SCARF2: variants seen among roughly 807,000 people sequenced by gnomAD.
SCARF2 encodes the protein scavenger receptor class F member 2.
A neutral mutation model predicts 73.4 loss-of-function variants in SCARF2; 39 were observed. That is an observed-to-expected ratio of 0.53 (90% confidence interval 0.41 to 0.69). The LOEUF (loss-of-function observed/expected upper bound fraction) is 0.69, where lower values mean the gene tolerates loss of function less well. SCARF2 is among the 30% of genes least tolerant of loss of function. The pLI is 0.00. For synonymous variants in SCARF2, 605 were observed against 590.0 expected, an observed-to-expected ratio of 1.03 and a Z score of -0.37; for missense variants, 1,148 against 1,303.5, an observed-to-expected ratio of 0.88 and a Z score of 1.84.
chr22:20,433,131 T>A (rs529949774), intron 1 of SCARF2, among the ~76,000 whole-genome samples: 1 of 152,292 alleles, frequency 6.6e-6, no homozygotes, highest in African/African-American at 2.4e-5. Context: ...GGATGGGGTG[T>A]GTGAGCACAA....
At position 20,431,380 on chromosome 22, in the gene SCARF2, G is replaced by C. The variant is rs765314420; in HGVS notation, c.492C>G (p.His164Gln). 3 of 1,522,104 alleles carry C rather than the reference G, an allele frequency of 2.0e-6. No homozygotes were observed. Among genetic ancestry groups the C allele is most frequent in the Non-Finnish European group, 2.6e-6 (3 of 1,141,412 alleles). 94.3% of individuals were successfully genotyped at this position (1,522,104 alleles called of 1,614,324 possible). The stretch of plus-strand genomic sequence containing the variant: ...CACAGCGGCACGCGCCGCTCCGCGG[G>C]TGGCACGTGCCGTGCTGGCACTGGC... ...HACQCQHGTC[H>Q]PRSGACRCEP... is the part of the protein sequence containing the mutation. The change falls in exon 4 of 11, where the codon CAC becomes CAG. Residue 164 changes from histidine (H) to glutamine (Q), a missense_variant. Physicochemically the swap from His to Gln is conservative, Grantham distance 24. Transcript: ENST00000622235.
chr22:20,427,584 C>T (rs753246990), intron 9 of SCARF2, 34 bp from the exon 10 acceptor site: 4 of 1,609,420 alleles, frequency 2.5e-6, no homozygotes, highest in East Asian at 2.2e-5. Flanking sequence ...GCCAGGGGTC[C>T]ACTCTGCCCC....
chr22:20,427,628 ATGT>A (rs2052595605), intron 9 of SCARF2, 78 bp from the exon 10 acceptor site: 2 of 1,552,332 alleles, frequency 1.3e-6, no homozygotes, highest in African/African-American at 2.7e-5. Flanking sequence ...GCTGTGACAA[ATGT>A]TGATGGGGTG....
chr22:20,436,705 A>G (rs571397180), intron 1 of SCARF2, among the ~76,000 whole-genome samples: 7 of 152,142 alleles, frequency 4.6e-5, no homozygotes, highest in Non-Finnish European at 5.9e-5. Flanking sequence ...ATCCGCGCCA[A>G]GGCGCCCCCA....
At position 20,437,644 on chromosome 22, in the gene SCARF2, C is replaced by A; in HGVS notation, c.111G>T (p.Leu37=). The change falls in exon 1 of 11, where the codon CTG becomes CTT. Residue 37 remains leucine (L), a synonymous_variant. Coordinates refer to ENST00000622235, the MANE Select transcript of SCARF2 (RefSeq NM_182895.5). The part of the protein sequence containing the change: ...SLLLLLLLWM[L]PDTVAPQELN... ...GTTCCTGAGGCGCCACGGTGTCCGG[C>A]AGCATCCAGAGCAGCAGCAGCAGCA... 2 of 1,556,930 alleles carry A rather than the reference C, an allele frequency of 1.3e-6. No homozygotes were observed.
At position 20,430,432 on chromosome 22, in the gene SCARF2, G is replaced by T; in HGVS notation, c.1199C>A (p.Pro400His). Residue 400 changes from proline to histidine, a missense_variant, in exon 6 of 11, where the codon CCC (proline) becomes CAC (histidine). Physicochemically the swap from Pro to His is moderately conservative, Grantham distance 77. Coordinates refer to ENST00000622235, the MANE Select transcript of SCARF2 (RefSeq NM_182895.5). ...RCLCSPGVHG[P>H]HCNVTCPPGL... ...CTCCCGGTCCCGGGGCACTCACTGG[G>T]GCCCGTGGACGCCAGGGCTGCACAG... 6.3e-7 allele frequency: 1 copy of T among 1,589,280 alleles called. No individual in the cohort carries two copies. Among genetic ancestry groups the T allele is most frequent in the Non-Finnish European group, 8.6e-7 (1 of 1,168,364 alleles).
In SCARF2 at chr22:20,425,381, G is replaced by C; in HGVS notation, c.2595C>G (p.Thr865=). The part of the protein sequence containing the change: ...AGELGRAGAP[T]L ...GCGGACGAGCCACAGCCTGCTACAG[G>C]GTGGGTGCGCCCGCCCTGCCCAGCT... The change falls in exon 11 of 11, where the codon ACC becomes ACG. Residue 865 remains threonine, a synonymous_variant. Transcript: ENST00000622235. The surrounding 1 kb of genome is among the most constrained non-coding windows in gnomAD (Gnocchi z 4.6). 2.1e-6 allele frequency: 3 copies of C among 1,425,398 alleles called. No individual in the cohort carries two copies. The highest frequency in any genetic ancestry group is 2.8e-6 in the Non-Finnish European group (3 of 1,085,984). 88.3% of individuals were successfully genotyped at this position (1,425,398 alleles called of 1,614,324 possible). A position where few individuals can be genotyped will look rare whatever the true frequency, so the allele number is the denominator to read the frequency against.
chr22:20,426,297 G>C lies in SCARF2; in HGVS notation c.1694-15C>G. ...CGCTGGTGCCTCTGGCAAGGGAAGA[G>C]CAGGGCGGTCACAGCCTTCAGGAAT... On this transcript the variant is annotated splice_polypyrimidine_tract_variant and intron_variant, in intron 10 of 10. Coordinates refer to ENST00000622235, the MANE Select transcript of SCARF2 (RefSeq NM_182895.5). The C allele has an allele frequency of 6.5e-7, 1 of 1,532,858 alleles. No homozygotes were observed. Among genetic ancestry groups the C allele is most frequent in the African/African-American group, 1.4e-5 (1 of 73,048 alleles). 95.0% of individuals were successfully genotyped at this position (1,532,858 alleles called of 1,614,324 possible).
rs1231457943 is a variant in SCARF2 at position 20,426,066 on chromosome 22, C to T, written c.1910G>A (p.Arg637Gln). ...ARREARPARA[R>Q]GEIGGLSLSP... is the part of the protein sequence containing the mutation. ...CAGCGACAGGCCCCCAATCTCGCCCCGGGCCCGGGCCGGCCGGGCCTCGCG... is the reference window on the plus strand; with the variant it reads ...CAGCGACAGGCCCCCAATCTCGCCCTGGGCCCGGGCCGGCCGGGCCTCGCG... The change falls in exon 11 of 11, where the codon CGG (arginine) becomes CAG (glutamine). Residue 637 changes from arginine to glutamine, a missense_variant. Physicochemically the swap from Arg to Gln is conservative, Grantham distance 43. This residue lies in a region of SCARF2 where 437 missense variants were observed against 433.6 expected (regional missense o/e 1.01). Coordinates refer to ENST00000622235, the MANE Select transcript of SCARF2 (RefSeq NM_182895.5). The T allele has an allele frequency of 2.6e-6, 4 of 1,552,842 alleles. No homozygotes were observed. Among genetic ancestry groups the T allele is most frequent in the South Asian group, 1.2e-5 (1 of 85,566 alleles).
Position 20,425,430 on chromosome 22 carries a change from T to C in SCARF2, c.2546A>G (p.Lys849Arg), listed in dbSNP as rs1448828018. The C allele has an allele frequency of 5.6e-6, 8 of 1,430,074 alleles. No homozygotes were observed. The highest frequency in any genetic ancestry group is 2.9e-5 in the South Asian group (2 of 69,154). 88.6% of individuals were successfully genotyped at this position (1,430,074 alleles called of 1,614,324 possible). A position where few individuals can be genotyped will look rare whatever the true frequency, so the allele number is the denominator to read the frequency against. ...KKTPIQKPPR[K>R]KSREAAGELG... The stretch of plus-strand genomic sequence containing the variant: ...CTCGCCCGCCGCCTCCCGGCTCTTC[T>C]TGCGCGGCGGCTTCTGGATGGGGGT... The change falls in exon 11 of 11, where the codon AAG becomes AGG. Residue 849 changes from lysine (K) to arginine (R), a missense_variant. Transcript: ENST00000622235. This position sits in a 1 kb window ranked among gnomAD's most constrained non-coding sequence, Gnocchi z 4.6.
Position 20,431,770 on chromosome 22 carries a change from G to A in SCARF2, c.309C>T (p.Gly103=). ...TGGTGTCGCAGTTGGCACCGAAGTA[G>A]CCGTGGCGGCAGCGGCACTCGCCAG... is the stretch of plus-strand genomic sequence containing the variant. The part of the protein sequence containing the change: ...VRPGECRCRH[G]YFGANCDTKC... Residue 103 remains glycine, a synonymous_variant, in exon 3 of 11, where the codon GGC becomes GGT. Coordinates refer to ENST00000622235, the MANE Select transcript of SCARF2 (RefSeq NM_182895.5). 1 of 1,588,194 alleles carries A rather than the reference G, an allele frequency of 6.3e-7. No individual in the cohort carries two copies. Among genetic ancestry groups the A allele is most frequent in the Non-Finnish European group, 8.6e-7 (1 of 1,168,576 alleles).
Position 20,429,570 on chromosome 22 carries a change from A to G in SCARF2, c.1390T>C (p.Cys464Arg). 1 of 1,613,250 alleles carries G rather than the reference A, an allele frequency of 6.2e-7. No individual in the cohort carries two copies. The highest frequency in any genetic ancestry group is 8.5e-7 in the Non-Finnish European group (1 of 1,179,850). ...GGGTCCTTGCCGCGGCAAGCGCAGC[A>G]GCAGCCGAGCAGCGAGAGCAGCAGG... is the stretch of plus-strand genomic sequence containing the variant. ...VCLLLSLLGCCCACRGKDPTR... is the reference protein window; with the variant it reads ...VCLLLSLLGCRCACRGKDPTR... Residue 464 changes from cysteine to arginine, a missense_variant, in exon 8 of 11, where the codon TGC becomes CGC. Transcript: ENST00000622235. This position sits in a 1 kb window ranked among gnomAD's most constrained non-coding sequence, Gnocchi z 5.2.
intron 1 of SCARF2, among the ~76,000 whole-genome samples, chr22:20,435,471 T>TCCC (rs2052690368): frequency 6.6e-6 from 1 of 151,838 alleles, no homozygotes; most frequent in South Asian, 2.1e-4. Context: ...CCCCAGGGGG[T>TCCC]CCCATGGCCC....
At position 20,425,772 on chromosome 22, in the gene SCARF2, G is replaced by T; in HGVS notation, c.2204C>A (p.Ala735Glu). The T allele has an allele frequency of 7.5e-7, 1 of 1,332,308 alleles. No homozygotes were observed. The allele number at this position is 1,332,308 out of a possible 1,614,324, so 82.5% of individuals were successfully genotyped here. A position where few individuals can be genotyped will look rare whatever the true frequency, so the allele number is the denominator to read the frequency against. Residue 735 changes from alanine (A) to glutamate (E), a missense_variant, in exon 11 of 11, where the codon GCG becomes GAG. Physicochemically the swap from Ala to Glu is moderately radical, Grantham distance 107 (BLOSUM62 -1). This residue lies in a region of SCARF2 where 46 missense variants were observed against 80.6 expected (regional missense o/e 0.57). Transcript: ENST00000622235. The surrounding 1 kb of genome is among the most constrained non-coding windows in gnomAD (Gnocchi z 4.6). ...GLPEEATALA[A>E]PSPPRARARG... ...CGCTCGGGCCCTGGGCGGCGAGGGC[G>T]CAGCGAGGGCTGTCGCCTCCTCGGG...
rs188923918 is a variant in SCARF2, at chr22:20,433,550, A to G, written c.174-1562T>C. On this transcript the variant is annotated intron_variant, in intron 1 of 10. Transcript: ENST00000622235. ...CCCAGCCATTCCCCAGCTAGACAGA[A>G]TACCACCCCTTGTACAGAGCACCTA... Among the ~76,000 whole-genome samples, 328 of 152,250 alleles carry G rather than the reference A, an allele frequency of 2.2e-3. 1 individual carries two copies. The highest frequency in any genetic ancestry group is 3.8e-3 in the Non-Finnish European group (258 of 68,004).
chr22:20,437,730 C>T lies in SCARF2; in HGVS notation c.25G>A (p.Ala9Thr), dbSNP rs760290224. 20 of 1,246,526 alleles carry T rather than the reference C, an allele frequency of 1.6e-5. No individual in the cohort carries two copies. The highest frequency in any genetic ancestry group is 1.1e-4 in the African/African-American group (7 of 62,084). 77.2% of individuals were successfully genotyped at this position (1,246,526 alleles called of 1,614,324 possible). Residue 9 changes from alanine (A) to threonine (T), a missense_variant, in exon 1 of 11, where the codon GCC becomes ACC. Physicochemically the swap from Ala to Thr is moderately conservative, Grantham distance 58. Around this residue, in one of 5 missense-constraint regions of SCARF2, gnomAD observed 124 missense variants for 120.4 expected, o/e 1.03. Coordinates refer to ENST00000622235, the MANE Select transcript of SCARF2 (RefSeq NM_182895.5). The part of the protein sequence containing the change: MEGAGPRG[A>T]GPARRRGAGG... ...GCTCCCCGGCGCCGCGCCGGCCCGG[C>T]CCCCCGGGGCCCTGCGCCCTCCATG...
Position 20,429,923 on chromosome 22 carries a change from C to G in SCARF2, c.1203-90G>C. 1 of 1,305,454 alleles carries G rather than the reference C, an allele frequency of 7.7e-7. No homozygotes were observed. Among genetic ancestry groups the G allele is most frequent in the Non-Finnish European group, 1.1e-6 (1 of 936,942 alleles). 80.9% of individuals were successfully genotyped at this position (1,305,454 alleles called of 1,614,324 possible). On this transcript the variant is annotated intron_variant, in intron 6 of 10. Transcript: ENST00000622235. The surrounding 1 kb of genome is among the most constrained non-coding windows in gnomAD (Gnocchi z 5.2). The stretch of plus-strand genomic sequence containing the variant: ...CTCACCCGCGGCCAGGGCCCAGGGT[C>G]CAGGGTCCCAGAACCGGGCTCTCTC...
intron 9 of SCARF2, among the ~76,000 whole-genome samples, chr22:20,428,270 T>TTCTCCTCTCCTCTCC (rs1397286075): frequency 2.9e-5 from 4 of 137,572 alleles, no homozygotes; most frequent in Admixed American, 1.5e-4. Flanking sequence ...TTCTCTTCTC[T>TTCTCCTCTCCTCTCC]TCTCCTCTCC....
chr22:20,429,997 C>T lies in SCARF2; in HGVS notation c.1203-164G>A, dbSNP rs1332916209. 2 of 697,450 alleles carry T rather than the reference C, an allele frequency of 2.9e-6. No individual in the cohort carries two copies. The highest frequency in any genetic ancestry group is 2.7e-5 in the East Asian group (1 of 36,860). The allele number at this position is 697,450 out of a possible 1,614,324, so 43.2% of individuals were successfully genotyped here. ...TTGAAGCCCCGCCCCGCCCGTGGCA[C>T]ATATTGGGTAGTGGATGTTTTGGAA... is the stretch of plus-strand genomic sequence containing the variant. On this transcript the variant is annotated intron_variant, in intron 6 of 10. Coordinates refer to ENST00000622235, the MANE Select transcript of SCARF2 (RefSeq NM_182895.5). This position sits in a 1 kb window ranked among gnomAD's most constrained non-coding sequence, Gnocchi z 5.2.
Sources: gnomAD v4.1 joint callset for allele counts (sites outside exome capture counted in the v4.1 genomes callset) on GRCh38, gnomAD v4.1.1 for gene constraint, gnomAD v4.1.1 regional missense constraint, Gnocchi (gnomAD v3.1) non-coding constraint, MANE v1.5 for transcripts, NCBI Gene and HGNC (gene_info 2026-07-23, HGNC 2026-07-21) for gene names.